Variants in PARP4 observed in about 807,000 individuals in gnomAD.
PARP4 encodes the protein poly(ADP-ribose) polymerase family member 4, also known as protein mono-ADP-ribosyltransferase PARP4.
PARP4 carries 120 observed loss-of-function variants against 187.7 expected under a neutral mutation model. That is an observed-to-expected ratio of 0.64 (90% confidence interval 0.55 to 0.74). PARP4 has a LOEUF of 0.74. Ranked by LOEUF, PARP4 falls within the 30% of genes least tolerant of loss-of-function variation. PARP4 has a pLI of 0.00. For missense variants in PARP4, 1,836 were observed against 2,070.5 expected, an observed-to-expected ratio of 0.89 and a Z score of 2.20; for synonymous variants, 654 against 740.9, an observed-to-expected ratio of 0.88 and a Z score of 1.90.
At position 24,459,284 on chromosome 13, in the gene PARP4, T is replaced by C; in HGVS notation, c.2325A>G (p.Lys775=). 1.3e-6 allele frequency: 2 copies of C among 1,577,546 alleles called. No homozygotes were observed. Among genetic ancestry groups the C allele is most frequent in the East Asian group, 2.2e-5 (1 of 44,600 alleles). The change falls in exon 19 of 34, where the codon AAA becomes AAG. Residue 775 remains lysine, a synonymous_variant. Transcript: ENST00000381989. ...LQDTVEKICI[K]EIGTKQSFSL... is the part of the protein sequence containing the mutation. Reference sequence around the variant, plus strand: ...CTAACCTTTGCTTTGTTCCTATTTCTTTTATACAAATCTTCTCTACTGTAT... The same window carrying C: ...CTAACCTTTGCTTTGTTCCTATTTCCTTTATACAAATCTTCTCTACTGTAT...
At chr13:24,490,315 C>A (rs1047709815) in intron 10 of PARP4, among the ~76,000 whole-genome samples, 1 of 152,136 alleles carries the variant, frequency 6.6e-6, no homozygotes, top group East Asian at 1.9e-4. Flanking sequence ...CACAGAGAGG[C>A]CACGTTAGAG....
chr13:24,427,247 T>C (rs529746693), intron 32 of PARP4, among the ~76,000 whole-genome samples: 5 of 152,332 alleles, frequency 3.3e-5, no homozygotes, highest in African/African-American at 9.6e-5. Context: ...TTATTTCTAG[T>C]GGTTAGTACC....
In PARP4 at chr13:24,493,734, C is replaced by A. The variant is rs200700795; in HGVS notation, c.742-1G>T. On this transcript the variant is annotated splice_acceptor_variant, in intron 7 of 33. Coordinates refer to ENST00000381989, the MANE Select transcript of PARP4 (RefSeq NM_006437.4). LOFTEE classifies it high-confidence loss of function. ...AATTCATGACTTCCTCCAAAAGCAA[C>A]TACAATAATAAAATAGAAATGCCAC... 6.2e-6 allele frequency: 10 copies of A among 1,613,022 alleles called. No individual in the cohort carries two copies. The African/African-American group carries it at 8.0e-5, about 13-fold the overall frequency.
intron 23 of PARP4, among the ~76,000 whole-genome samples, chr13:24,453,309 A>G (rs1252025702): frequency 7.3e-5 from 11 of 151,576 alleles, no homozygotes; most frequent in African/African-American, 1.9e-4. Flanking sequence ...ATTTTAAGAG[A>G]AAAAAAACAA....
intron 10 of PARP4, 124 bp downstream of exon 10, chr13:24,490,544 C>T: frequency 1.3e-6 from 1 of 780,680 alleles, no homozygotes; most frequent in Non-Finnish European, 2.1e-6. Context: ...AATGTGTCAT[C>T]ACACCACCGC....
chr13:24,438,192 T>A (rs1870729877), intron 30 of PARP4, among the ~76,000 whole-genome samples: 1 of 152,172 alleles, frequency 6.6e-6, no homozygotes, highest in Non-Finnish European at 1.5e-5. Context: ...TTTATGGCAG[T>A]GGGGACTGGT....
At position 24,455,176 on chromosome 13, in the gene PARP4, C is replaced by G; in HGVS notation, c.2599G>C (p.Asp867His). The change falls in exon 22 of 34, where the codon GAC (aspartate) becomes CAC (histidine). Residue 867 changes from aspartate (D) to histidine (H), a missense_variant. By Grantham distance (81) the Asp-to-His change is moderately conservative. This residue lies in a region of PARP4 where 1,147 missense variants were observed against 1,214.2 expected (regional missense o/e 0.94). Coordinates refer to ENST00000381989, the MANE Select transcript of PARP4 (RefSeq NM_006437.4). ...MLVFQPDLDV[D>H]LPDLASESEV... The stretch of plus-strand genomic sequence containing the variant: ...CTCTCACTGGCTAGGTCAGGGAGGT[C>G]GACATCGAGATCGGGTTGAAAGACA... The G allele has an allele frequency of 6.3e-7, 1 of 1,594,864 alleles. No homozygotes were observed. The highest frequency in any genetic ancestry group is 8.6e-7 in the Non-Finnish European group (1 of 1,165,192).
In PARP4 at chr13:24,434,995, A is replaced by G; in HGVS notation, c.4146T>C (p.Ser1382=). ...TCADWIPQSA[S]CPTGPPQNPP... is the part of the protein sequence containing the mutation. ...GGTTCTGGGGAGGTCCTGTGGGACA[A>G]GACGCCGACTGTGGGATCCAGTCAG... Residue 1382 remains serine (S), a synonymous_variant, in exon 31 of 34, where the codon TCT becomes TCC. Coordinates refer to ENST00000381989, the MANE Select transcript of PARP4 (RefSeq NM_006437.4). 1 of 1,613,890 alleles carries G rather than the reference A, an allele frequency of 6.2e-7. No homozygotes were observed. Among genetic ancestry groups the G allele is most frequent in the Non-Finnish European group, 8.5e-7 (1 of 1,179,964 alleles).
chr13:24,440,979 C>T (rs1010102861), intron 30 of PARP4, among the ~76,000 whole-genome samples: 1 of 152,084 alleles, frequency 6.6e-6, no homozygotes, highest in Non-Finnish European at 1.5e-5. Flanking sequence ...TGCAAGCATC[C>T]TCCTGCCACA....
At chr13:24,487,931 T>C (rs1483433029) in intron 10 of PARP4, among the ~76,000 whole-genome samples, 1 of 152,254 alleles carries the variant, frequency 6.6e-6, no homozygotes, top group Non-Finnish European at 1.5e-5. Context: ...GAGTGATTTT[T>C]AATTTTCTTC....
At chr13:24,450,731 T>C (rs1871468497) in intron 24 of PARP4, among the ~76,000 whole-genome samples, 1 of 152,056 alleles carries the variant, frequency 6.6e-6, no homozygotes, top group Non-Finnish European at 1.5e-5. Context: ...GAGAAACACT[T>C]AGAAAGATCC....
At chr13:24,433,492 G>A (rs992549931) in intron 31 of PARP4, among the ~76,000 whole-genome samples, 3 of 152,262 alleles carry the variant, frequency 2.0e-5, no homozygotes, top group African/African-American at 7.2e-5. Context: ...TGAGAACATG[G>A]AGGCACAGAA....
intron 8 of PARP4, among the ~76,000 whole-genome samples, chr13:24,493,125 T>G (rs1285840702): frequency 1.3e-5 from 2 of 152,248 alleles, no homozygotes; most frequent in Admixed American, 6.5e-5. Context: ...TATCTTCTTT[T>G]GTCTGCTCTT....
intron 33 of PARP4, among the ~76,000 whole-genome samples, chr13:24,424,445 G>A (rs552193225): frequency 2.0e-5 from 3 of 152,048 alleles, no homozygotes; most frequent in Non-Finnish European, 4.4e-5. Context: ...ATGGTGTCAA[G>A]TAACATGTTC....
At position 24,459,047 on chromosome 13, in the gene PARP4, T is replaced by G. The variant is rs1177934231; in HGVS notation, c.2421A>C (p.Gln807His). Reference sequence around the variant, plus strand: ...AAGAAATCAAAGATGCACTAACCTTTTGTTTCAGTTCATGTGTATCACTGA... The same window carrying G: ...AAGAAATCAAAGATGCACTAACCTTGTGTTTCAGTTCATGTGTATCACTGA... ...FIFSDTHELK[Q>H]KRTDCKAVIS... is the part of the protein sequence containing the mutation. Residue 807 changes from glutamine (Q) to histidine (H), a missense_variant, in exon 20 of 34, where the codon CAA becomes CAC. Coordinates refer to ENST00000381989, the MANE Select transcript of PARP4 (RefSeq NM_006437.4). 1 of 1,593,212 alleles carries G rather than the reference T, an allele frequency of 6.3e-7. No homozygotes were observed. Among genetic ancestry groups the G allele is most frequent in the Non-Finnish European group, 8.6e-7 (1 of 1,161,922 alleles).
chr13:24,450,729 C>G (rs76022157), intron 24 of PARP4, among the ~76,000 whole-genome samples: 2 of 151,362 alleles, frequency 1.3e-5, no homozygotes, highest in East Asian at 2.0e-4. Context: ...GGGAGAAACA[C>G]TTAGAAAGAT....
rs1872658673 is a variant in PARP4 at position 24,469,908 on chromosome 13, G to A, written c.2032C>T (p.His678Tyr). ...CGFEAFINGK[H>Y]IVGEIKEKEE... ...TCTTGCCTTACCTCTCCAACTATGT[G>A]CTTCCCATTGATGAAGGCTTCGAAG... The change falls in exon 16 of 34, where the codon CAC becomes TAC. Residue 678 changes from histidine (H) to tyrosine (Y), a missense_variant. His to Tyr is a moderately conservative substitution (Grantham distance 83). Coordinates refer to ENST00000381989, the MANE Select transcript of PARP4 (RefSeq NM_006437.4). 6.8e-6 allele frequency: 11 copies of A among 1,613,634 alleles called. No homozygotes were observed. Among genetic ancestry groups the A allele is most frequent in the Non-Finnish European group, 7.6e-6 (9 of 1,179,714 alleles).
chr13:24,443,069 A>C (rs1871026881), intron 28 of PARP4, among the ~76,000 whole-genome samples: 4 of 151,642 alleles, frequency 2.6e-5, no homozygotes, highest in Admixed American at 2.6e-4. Flanking sequence ...CCAGGTGACC[A>C]TCTGTCACTA....
At chr13:24,498,265 G>A (rs17385536) in intron 5 of PARP4, 36 bp from the exon 6 acceptor site, 133,575 of 1,310,780 alleles carry the variant, frequency 0.1, 7,756 homozygotes, top group Non-Finnish European at 0.12. Context: ...AGCTGCACTC[G>A]GGAAACATCA....
Sources: gnomAD v4.1 joint callset for allele counts (sites outside exome capture counted in the v4.1 genomes callset) on GRCh38, gnomAD v4.1.1 for gene constraint, gnomAD v4.1.1 regional missense constraint, MANE v1.5 for transcripts, NCBI Gene and HGNC (gene_info 2026-07-23, HGNC 2026-07-21) for gene names.